The following FOXK2 variants were observed in gnomAD, a reference collection of about 807,000 sequenced individuals.
The protein encoded by FOXK2 is forkhead box protein K2.
FOXK2 carries 24 observed loss-of-function variants against 53.3 expected under a neutral mutation model. The observed-to-expected ratio is 0.45, with a 90% CI of 0.33 to 0.63. The LOEUF is 0.63. Among genes scored for constraint, FOXK2 ranks in the 30% least tolerant of loss-of-function variants. The pLI is 0.03. For missense variants in FOXK2, 952 were observed against 910.5 expected, an observed-to-expected ratio of 1.05 and a Z score of -0.59; for synonymous variants, 505 against 407.1, an observed-to-expected ratio of 1.24 and a Z score of -2.89.
At chr17:82,555,019 G>C (rs959351824) in intron 1 of FOXK2, among the ~76,000 whole-genome samples, 6 of 152,320 alleles carry the variant, frequency 3.9e-5, no homozygotes, top group African/African-American at 1.4e-4. Context: ...AAAGTGCTGG[G>C]ATTACAGGCG....
chr17:82,536,119 C>T (rs2044518261), intron 1 of FOXK2, among the ~76,000 whole-genome samples: 1 of 152,152 alleles, frequency 6.6e-6, no homozygotes, highest in African/African-American at 2.4e-5. Flanking sequence ...CTCAGGTGAT[C>T]TGCCCATCTC....
chr17:82,532,602 T>C (rs1480923332), intron 1 of FOXK2, among the ~76,000 whole-genome samples: 5 of 152,238 alleles, frequency 3.3e-5, no homozygotes, highest in African/African-American at 1.2e-4. Flanking sequence ...GTTGTTTTTT[T>C]CTGAGACTAC....
chr17:82,565,230 A>G (rs4268793), intron 2 of FOXK2, among the ~76,000 whole-genome samples: 26,012 of 152,186 alleles, frequency 0.17, 2,783 homozygotes, highest in East Asian at 0.39. Flanking sequence ...CTTAGAAGAA[A>G]ACATAGGCAA....
At chr17:82,532,129 G>A (rs11656452) in intron 1 of FOXK2, among the ~76,000 whole-genome samples, 7,396 of 150,352 alleles carry the variant, frequency 0.049, 208 homozygotes, top group African/African-American at 0.073. Context: ...GATTATAGGC[G>A]TGAGCCACTG....
chr17:82,587,010 T>C (rs1416445231), intron 7 of FOXK2, 53 bp from the exon 8 acceptor site: 22 of 1,566,662 alleles, frequency 1.4e-5, no homozygotes, highest in Non-Finnish European at 1.9e-5. Flanking sequence ...ACTGGCAAGA[T>C]TTTTATTTGC....
chr17:82,579,244 G>T (rs1194041987), intron 4 of FOXK2, among the ~76,000 whole-genome samples: 1 of 152,188 alleles, frequency 6.6e-6, no homozygotes, highest in African/African-American at 2.4e-5. Flanking sequence ...AATTCTGAGA[G>T]CAGTTGGCAA....
chr17:82,597,704 G>A (rs2045330705), intron 8 of FOXK2, among the ~76,000 whole-genome samples: 1 of 152,016 alleles, frequency 6.6e-6, no homozygotes, highest in South Asian at 2.1e-4. Flanking sequence ...AGGCTGGAAT[G>A]CAGTGGCATG....
chr17:82,590,907 G>A (rs1039468327), intron 8 of FOXK2, among the ~76,000 whole-genome samples: 1 of 152,174 alleles, frequency 6.6e-6, no homozygotes, highest in East Asian at 1.9e-4. Flanking sequence ...TCAGCACCAC[G>A]AGCAGATAGG....
At position 82,587,111 on chromosome 17, in the gene FOXK2, C is replaced by T; in HGVS notation, c.1625C>T (p.Ala542Val). 1.2e-6 allele frequency: 2 copies of T among 1,613,090 alleles called. No individual in the cohort carries two copies. Among genetic ancestry groups the T allele is most frequent in the Non-Finnish European group, 1.7e-6 (2 of 1,180,024 alleles). Reference protein sequence around the residue: ...PAIGHATLGTASRIIQTAQTT... With the variant: ...PAIGHATLGTVSRIIQTAQTT... Reference sequence around the variant, plus strand: ...ATTGGCCACGCCACGCTCGGCACTGCCAGCCGGATCATTCAGACGGCACAG... The same window carrying T: ...ATTGGCCACGCCACGCTCGGCACTGTCAGCCGGATCATTCAGACGGCACAG... The change falls in exon 8 of 9, where the codon GCC becomes GTC. Residue 542 changes from alanine to valine, a missense_variant. Around this residue, in one of 5 missense-constraint regions of FOXK2, gnomAD observed 551 missense variants for 385.1 expected, o/e 1.43. Transcript: ENST00000335255.
intron 1 of FOXK2, among the ~76,000 whole-genome samples, chr17:82,552,607 CAGTT>C (rs2144095035): frequency 6.6e-6 from 1 of 152,302 alleles, no homozygotes; most frequent in African/African-American, 2.4e-5. Context: ...GAACGTCCCT[CAGTT>C]AGGATTTGTT....
intron 1 of FOXK2, among the ~76,000 whole-genome samples, chr17:82,554,968 C>T (rs548505965): frequency 2.6e-5 from 4 of 152,084 alleles, no homozygotes; most frequent in Non-Finnish European, 4.4e-5. Context: ...AGGCTGGGTT[C>T]GAACTCCTGA....
At chr17:82,535,748 G>GTTTT (rs138654812) in intron 1 of FOXK2, among the ~76,000 whole-genome samples, 3 of 140,138 alleles carry the variant, frequency 2.1e-5, no homozygotes, top group African/African-American at 7.9e-5. Flanking sequence ...GTGTGTTTTT[G>GTTTT]TTTTTGTTTT....
At chr17:82,568,641 A>G (rs1476347869) in intron 3 of FOXK2, among the ~76,000 whole-genome samples, 1 of 152,240 alleles carries the variant, frequency 6.6e-6, no homozygotes, top group African/African-American at 2.4e-5. Context: ...ATGACCTGGC[A>G]CGTTTGTATT....
chr17:82,564,574 A>G (rs1427898097), intron 2 of FOXK2, among the ~76,000 whole-genome samples: 1 of 151,980 alleles, frequency 6.6e-6, no homozygotes, highest in African/African-American at 2.4e-5. Flanking sequence ...AAGGGCAGAC[A>G]GTGGTCTAAA....
chr17:82,541,805 G>T (rs1427163398), intron 1 of FOXK2, among the ~76,000 whole-genome samples: 1 of 151,972 alleles, frequency 6.6e-6, no homozygotes, highest in East Asian at 1.9e-4. Context: ...CGAATTTCTG[G>T]GCTCAAGGGA....
At chr17:82,546,637 C>CT (rs921045459) in intron 1 of FOXK2, among the ~76,000 whole-genome samples, 4 of 151,302 alleles carry the variant, frequency 2.6e-5, no homozygotes, top group Non-Finnish European at 5.9e-5. Context: ...TTTTCTTTTC[C>CT]TTTTTTTTAA....
intron 8 of FOXK2, among the ~76,000 whole-genome samples, chr17:82,589,027 C>T (rs2143144726): frequency 6.6e-6 from 1 of 151,940 alleles, no homozygotes; most frequent in African/African-American, 2.4e-5. Flanking sequence ...CACTGCACTC[C>T]AGCCCGGGCG....
At chr17:82,523,812 C>G (rs544106274) in intron 1 of FOXK2, among the ~76,000 whole-genome samples, 37 of 151,898 alleles carry the variant, frequency 2.4e-4, no homozygotes, top group African/African-American at 8.2e-4. Flanking sequence ...GCTCAGTGTT[C>G]AGGTTGATGA....
chr17:82,564,528 G>T (rs918452729), intron 2 of FOXK2, among the ~76,000 whole-genome samples: 1 of 151,950 alleles, frequency 6.6e-6, no homozygotes, highest in Admixed American at 6.6e-5. Flanking sequence ...GCTCCACTGT[G>T]CCTGGCCTGG....
Sources: gnomAD v4.1 joint callset for allele counts (sites outside exome capture counted in the v4.1 genomes callset) on GRCh38, gnomAD v4.1.1 for gene constraint, gnomAD v4.1.1 regional missense constraint, MANE v1.5 for transcripts, NCBI Gene and HGNC (gene_info 2026-07-23, HGNC 2026-07-21) for gene names.